The following CNOT4 variants were observed in gnomAD, a reference collection of about 807,000 sequenced individuals.
The protein encoded by CNOT4 is CCR4-NOT transcription complex subunit 4, also known as CCR4-associated factor 4.
In CNOT4, 8 loss-of-function variants were observed where a neutral mutation model predicts 73.8. That is an observed-to-expected ratio of 0.11 (90% CI 0.06 to 0.20). CNOT4 has a LOEUF of 0.20. Among genes scored for constraint, CNOT4 ranks in the 10% least tolerant of loss-of-function variants. The pLI is 1.00. For missense variants in CNOT4, 564 were observed against 883.4 expected, an observed-to-expected ratio of 0.64 and a Z score of 4.58; for synonymous variants, 293 against 321.1, an observed-to-expected ratio of 0.91 and a Z score of 0.94.
chr7:135,503,662 T>A (rs1048945644), intron 1 of CNOT4, among the ~76,000 whole-genome samples: 27 of 152,174 alleles, frequency 1.8e-4, no homozygotes, highest in African/African-American at 6.5e-4. Context: ...ACATTTTCTT[T>A]ACCCAAGGAA....
In CNOT4 at chr7:135,448,877, A is replaced by T. The variant is rs577021458; in HGVS notation, c.-92-10454T>A. Among the ~76,000 whole-genome samples, 5 of 152,298 alleles carry T rather than the reference A, an allele frequency of 3.3e-5. No individual in the cohort carries two copies. The South Asian group carries it at 1.0e-3, about 32-fold the overall frequency. On this transcript the variant is annotated intron_variant, in intron 1 of 11. Coordinates refer to ENST00000541284, the MANE Select transcript of CNOT4 (RefSeq NM_001190850.2). ...GAAAAAAGAACTGGCAAACTTGAAGACAGATTGATAGAGATGATGCAATCC... is the reference window on the plus strand; with the variant it reads ...GAAAAAAGAACTGGCAAACTTGAAGTCAGATTGATAGAGATGATGCAATCC...
intron 1 of CNOT4, among the ~76,000 whole-genome samples, chr7:135,449,118 A>G (rs1295536914): frequency 6.6e-6 from 1 of 152,188 alleles, no homozygotes; most frequent in Non-Finnish European, 1.5e-5. Flanking sequence ...TTTGAGCAAA[A>G]ACAGCAAGAC....
chr7:135,491,114 T>C (rs996853517), intron 1 of CNOT4, among the ~76,000 whole-genome samples: 3 of 152,042 alleles, frequency 2.0e-5, no homozygotes, highest in African/African-American at 7.2e-5. Context: ...AGAGAGCAGG[T>C]TTGGGAGGGA....
intron 2 of CNOT4, among the ~76,000 whole-genome samples, chr7:135,432,295 G>A (rs1305868851): frequency 6.6e-6 from 1 of 151,982 alleles, no homozygotes; most frequent in Non-Finnish European, 1.5e-5. Context: ...TATCAGCATA[G>A]GAAAAAAAAA....
chr7:135,430,714 C>T (rs1200370536), intron 2 of CNOT4, among the ~76,000 whole-genome samples: 1 of 152,026 alleles, frequency 6.6e-6, no homozygotes, highest in Non-Finnish European at 1.5e-5. Context: ...ATAACCATCT[C>T]AATAGTATCA....
At chr7:135,475,026 C>CTAGA (rs1801903765) in intron 1 of CNOT4, among the ~76,000 whole-genome samples, 1 of 152,060 alleles carries the variant, frequency 6.6e-6, no homozygotes, top group African/African-American at 2.4e-5. Context: ...TTTAAATGAG[C>CTAGA]TAGAGCCTGG....
At chr7:135,367,201 A>G (rs1216749490) in intron 10 of CNOT4, among the ~76,000 whole-genome samples, 2 of 152,158 alleles carry the variant, frequency 1.3e-5, no homozygotes, top group Non-Finnish European at 2.9e-5. Flanking sequence ...AACCACTGAC[A>G]CAAAGGAAGT....
rs188293932 is a variant in CNOT4, at chr7:135,378,723, C to T, written c.1628-14657G>A. ...AAAATTAGCCGGGCACGGTGGCTCA[C>T]GCCTGTAATCCCAGCACTTTTGGTG... On this transcript the variant is annotated intron_variant, in intron 10 of 11. Transcript: ENST00000541284. Among the ~76,000 whole-genome samples, 223 of 151,900 alleles carry T rather than the reference C, an allele frequency of 1.5e-3. 2 individuals are homozygous for T. Among genetic ancestry groups the T allele is most frequent in the African/African-American group, 5.0e-3 (206 of 41,428 alleles).
At position 135,418,589 on chromosome 7, in the gene CNOT4, AAC is replaced by A. The variant is rs772400386; in HGVS notation, c.373-3329_373-3328del. On this transcript the variant is annotated intron_variant, in intron 3 of 11. Coordinates refer to ENST00000541284, the MANE Select transcript of CNOT4 (RefSeq NM_001190850.2). ...ATGGATGAACAACATGCCAATAATC[AAC>A]ACAGAATACACTGGAATAGGAACTG... Among the ~76,000 whole-genome samples the A allele has an allele frequency of 3.3e-5, 5 of 152,326 alleles. No individual in the cohort carries two copies. The East Asian group carries it at 7.7e-4, about 23-fold the overall frequency.
At chr7:135,387,775 C>T (rs965108867) in intron 10 of CNOT4, 4 of 977,340 alleles carry the variant, frequency 4.1e-6, no homozygotes, top group Middle Eastern at 5.3e-4. Flanking sequence ...AATATCACTT[C>T]ACATTATGTC....
At chr7:135,426,249 A>G (rs1390236098) in intron 2 of CNOT4, among the ~76,000 whole-genome samples, 1 of 152,016 alleles carries the variant, frequency 6.6e-6, no homozygotes, top group African/African-American at 2.4e-5. Context: ...CCAAACACGA[A>G]TAACTGCAGA....
At chr7:135,388,449 C>T (rs902774212) in intron 10 of CNOT4, 91 of 985,484 alleles carry the variant, frequency 9.2e-5, no homozygotes, top group Non-Finnish European at 1.0e-4. Flanking sequence ...AAACAAGATA[C>T]TACCATTACC....
intron 2 of CNOT4, 24 bp from the exon 3 acceptor site, chr7:135,422,377 A>G (rs775725315): frequency 3.7e-6 from 4 of 1,075,088 alleles, no homozygotes; most frequent in Non-Finnish European, 5.7e-6. Context: ...ACAAACATAG[A>G]CGTTAGCATT....
intron 1 of CNOT4, among the ~76,000 whole-genome samples, chr7:135,471,391 T>C (rs1801566615): frequency 6.6e-6 from 1 of 152,172 alleles, no homozygotes; most frequent in African/African-American, 2.4e-5. Flanking sequence ...CTGAGGGTCC[T>C]CAAAAAAACC....
At chr7:135,451,788 C>T (rs1407377387) in intron 1 of CNOT4, among the ~76,000 whole-genome samples, 27 of 152,136 alleles carry the variant, frequency 1.8e-4, no homozygotes, top group Admixed American at 1.7e-3. Context: ...TGTATTTCTT[C>T]TATAATAGCA....
intron 3 of CNOT4, among the ~76,000 whole-genome samples, chr7:135,416,549 T>C (rs966998139): frequency 3.9e-5 from 6 of 152,236 alleles, no homozygotes; most frequent in African/African-American, 1.4e-4. Flanking sequence ...TCAGGGTTGA[T>C]AAAGAGAGAA....
intron 2 of CNOT4, among the ~76,000 whole-genome samples, chr7:135,431,101 A>C (rs1299429518): frequency 2.0e-4 from 30 of 152,116 alleles, no homozygotes; most frequent in Admixed American, 1.9e-3. Context: ...CTTTACAAAA[A>C]AATTTTTTAA....
At chr7:135,470,342 GGCTGGTCTCAAACTCCTGGGCCCAA>G (rs1262784000) in intron 1 of CNOT4, among the ~76,000 whole-genome samples, 1 of 151,848 alleles carries the variant, frequency 6.6e-6, no homozygotes, top group African/African-American at 2.4e-5. Context: ...GTATTGCACA[GGCTGGTCTCAAACTCCTGGGCCCAA>G]GCTATGCTCC....
chr7:135,383,605 C>T (rs570490492), intron 10 of CNOT4, among the ~76,000 whole-genome samples: 9 of 152,230 alleles, frequency 5.9e-5, no homozygotes, highest in East Asian at 3.8e-4. Context: ...TGACTTCCTA[C>T]ACTCATGAAA....
Sources: allele counts gnomAD v4.1 joint callset (sites outside exome capture counted in the v4.1 genomes callset), GRCh38; gene constraint gnomAD v4.1.1; transcripts MANE v1.5; gene names NCBI Gene and HGNC (gene_info 2026-07-23, HGNC 2026-07-21).